WDR47: variants seen among roughly 807,000 people sequenced by gnomAD.
WDR47 encodes WD repeat-containing protein 47.
WDR47 carries 32 observed loss-of-function variants against 97.2 expected under a neutral mutation model. The observed-to-expected ratio is 0.33, with a 90% CI of 0.25 to 0.44. The LOEUF is 0.44. WDR47 is among the 20% of genes least tolerant of loss of function. The pLI is 1.00. For synonymous variants in WDR47, 375 were observed against 373.5 expected (o/e 1.00, Z -0.05); for missense variants, 782 against 1,102.3 (o/e 0.71, Z 4.11).
intron 9 of WDR47, among the ~76,000 whole-genome samples, chr1:108,989,805 C>T (rs9659682): frequency 0.036 from 5,423 of 152,034 alleles, 332 homozygotes; most frequent in African/African-American, 0.12. Context: ...AGCGATTCTC[C>T]TGCCTCAGCC....
Position 109,013,853 on chromosome 1 carries a change from A to G in WDR47, c.315T>C (p.Asp105=). The change falls in exon 4 of 15, where the codon GAT becomes GAC. Residue 105 remains aspartate (D), a synonymous_variant. Coordinates refer to ENST00000369962, the MANE Select transcript of WDR47 (RefSeq NM_001142551.2). ...LCVNNAMSAE[D]EPQHLEFTMQ... Reference sequence around the variant, plus strand: ...ATAAAAATCTTACATGCTGGGGCTCATCTTCTGCTGACATCGCGTTGTTAA... The same window carrying G: ...ATAAAAATCTTACATGCTGGGGCTCGTCTTCTGCTGACATCGCGTTGTTAA... 1.2e-6 allele frequency: 2 copies of G among 1,613,744 alleles called. No individual in the cohort carries two copies. Among genetic ancestry groups the G allele is most frequent in the South Asian group, 2.2e-5 (2 of 91,034 alleles).
chr1:109,034,524 TAGGAACTG>T (rs1662803781), intron 1 of WDR47, among the ~76,000 whole-genome samples: 1 of 152,158 alleles, frequency 6.6e-6, no homozygotes, highest in Admixed American at 6.5e-5. Flanking sequence ...CACAGCCTGT[TAGGAACTG>T]AGCTGCACAG....
chr1:108,972,412 C>A (rs1399207109), intron 14 of WDR47, among the ~76,000 whole-genome samples: 1 of 152,098 alleles, frequency 6.6e-6, no homozygotes, highest in South Asian at 2.1e-4. Flanking sequence ...CCCAAATTCT[C>A]CAAAAATATA....
chr1:109,009,347 G>C (rs1205275092), intron 5 of WDR47, among the ~76,000 whole-genome samples: 1 of 152,140 alleles, frequency 6.6e-6, no homozygotes, highest in African/African-American at 2.4e-5. Context: ...AATAACTGTT[G>C]ATCAGGAGTT....
intron 1 of WDR47, among the ~76,000 whole-genome samples, chr1:109,028,309 C>G (rs1461989847): frequency 6.7e-6 from 1 of 149,866 alleles, no homozygotes; most frequent in East Asian, 2.0e-4. Flanking sequence ...CTCAGCCTCC[C>G]AAGTAGCTGG....
rs1477639735 is a variant in WDR47 at position 109,031,660 on chromosome 1, T to C, written c.-9-8139A>G. ...TAAAACATAAATAACAAATTTACAT[T>C]TGCAAACTACTAGAAGGAATTAGTA... is the stretch of plus-strand genomic sequence containing the variant. On this transcript the variant is annotated intron_variant, in intron 1 of 14. Coordinates refer to ENST00000369962, the MANE Select transcript of WDR47 (RefSeq NM_001142551.2). Among the ~76,000 whole-genome samples the C allele has an allele frequency of 7.9e-5, 11 of 139,542 alleles. 1 individual carries two copies. Among genetic ancestry groups the C allele is most frequent in the African/African-American group, 2.6e-4 (10 of 38,952 alleles). The allele number at this position is 139,542 out of a possible 152,430, so 91.5% of individuals were successfully genotyped here. A position where few individuals can be genotyped will look rare whatever the true frequency, so the allele number is the denominator to read the frequency against.
chr1:109,017,503 T>C lies in WDR47; in HGVS notation c.242+15A>G, dbSNP rs144823991. 5.2e-4 allele frequency: 836 copies of C among 1,597,522 alleles called. 4 individuals are homozygous for C. In the African/African-American group the frequency reaches 9.1e-3, roughly 17 times the overall value. ...ACCAATGATGAGACACTAAAAACTT[T>C]AGATAAAATCTTACCTTTTTTTGTC... is the stretch of plus-strand genomic sequence containing the variant. On this transcript the variant is annotated intron_variant, in intron 3 of 14. Coordinates refer to ENST00000369962, the MANE Select transcript of WDR47 (RefSeq NM_001142551.2).
At chr1:109,007,946 A>G (rs1660741286) in intron 5 of WDR47, among the ~76,000 whole-genome samples, 1 of 152,042 alleles carries the variant, frequency 6.6e-6, no homozygotes, top group Non-Finnish European at 1.5e-5. Flanking sequence ...TACTAAAAAT[A>G]CAAAAATTAG....
At chr1:108,979,912 G>A (rs1300906070) in intron 13 of WDR47, among the ~76,000 whole-genome samples, 1 of 152,090 alleles carries the variant, frequency 6.6e-6, no homozygotes, top group Non-Finnish European at 1.5e-5. Context: ...TTAGGCACCG[G>A]GCCACACAGC....
intron 1 of WDR47, among the ~76,000 whole-genome samples, chr1:109,036,039 T>C (rs866762343): frequency 2.6e-5 from 4 of 152,046 alleles, no homozygotes; most frequent in Non-Finnish European, 5.9e-5. Flanking sequence ...GAAAAATATA[T>C]ACATATTAAA....
chr1:109,025,109 A>C (rs1239909027), intron 1 of WDR47: 1 of 152,192 alleles, frequency 6.6e-6, no homozygotes, highest in African/African-American at 2.4e-5. Context: ...CTAGCAGACT[A>C]GAATGCTCTC....
At position 108,971,022 on chromosome 1, in the gene WDR47, G is replaced by C. The variant is rs1398618524; in HGVS notation, c.*408C>G. The C allele has an allele frequency of 6.4e-6, 1 of 155,846 alleles. No homozygotes were observed. Among genetic ancestry groups the C allele is most frequent in the African/African-American group, 2.4e-5 (1 of 41,520 alleles). The allele number at this position is 155,846 out of a possible 1,614,324, so 9.7% of individuals were successfully genotyped here. On this transcript the variant is annotated 3_prime_UTR_variant, in exon 15 of 15. Transcript: ENST00000369962. ...ACACCTGGGAAGTTTAATCTGGGAGGAACTTGGTTGCATTACATTTAATAA... is the reference window on the plus strand; with the variant it reads ...ACACCTGGGAAGTTTAATCTGGGAGCAACTTGGTTGCATTACATTTAATAA...
chr1:108,984,895 A>C (rs1012709568), intron 10 of WDR47, among the ~76,000 whole-genome samples: 21 of 152,158 alleles, frequency 1.4e-4, no homozygotes, highest in Middle Eastern at 3.4e-3. Flanking sequence ...AACAAAAAAA[A>C]CCCAAAAAAC....
chr1:109,010,611 C>T (rs1660971889), intron 5 of WDR47, among the ~76,000 whole-genome samples: 1 of 131,470 alleles, frequency 7.6e-6, no homozygotes, highest in Non-Finnish European at 1.6e-5. Flanking sequence ...GAGTCGGAGT[C>T]TCACTCTGTG....
At chr1:108,993,834 CTCA>C (rs1557928951) in intron 8 of WDR47, among the ~76,000 whole-genome samples, 1 of 152,116 alleles carries the variant, frequency 6.6e-6, no homozygotes, top group African/African-American at 2.4e-5. Context: ...ATTAAGAAAA[CTCA>C]TCATGTACAG....
At chr1:109,030,068 G>A (rs1662511891) in intron 1 of WDR47, 1 of 635,112 alleles carries the variant, frequency 1.6e-6, no homozygotes, top group Non-Finnish European at 2.5e-6. Flanking sequence ...AGGAGAACAT[G>A]CCTCTCGCAA....
At chr1:108,994,564 T>G (rs1557929545) in intron 8 of WDR47, among the ~76,000 whole-genome samples, 1 of 151,864 alleles carries the variant, frequency 6.6e-6, no homozygotes, top group Non-Finnish European at 1.5e-5. Context: ...GGCAACATAG[T>G]GAGATCCCAT....
At chr1:109,030,135 C>A (rs557190481) in intron 1 of WDR47, 1 of 1,232,670 alleles carries the variant, frequency 8.1e-7, no homozygotes, top group Non-Finnish European at 1.1e-6. Context: ...GAAGAAACGC[C>A]TGGTGCAGAG....
intron 5 of WDR47, among the ~76,000 whole-genome samples, 176 bp from the exon 6 acceptor site, chr1:109,004,891 A>G (rs1347869043): frequency 6.6e-6 from 1 of 152,068 alleles, no homozygotes; most frequent in African/African-American, 2.4e-5. Flanking sequence ...CCCAGGTTCA[A>G]GCAATTCTCC....
Sources: allele counts gnomAD v4.1 joint callset (sites outside exome capture counted in the v4.1 genomes callset), GRCh38; gene constraint gnomAD v4.1.1; transcripts MANE v1.5; gene names NCBI Gene and HGNC (gene_info 2026-07-23, HGNC 2026-07-21).